The following MARCHF1 variants were observed in gnomAD, a reference collection of about 807,000 sequenced individuals.
MARCHF1 encodes the protein membrane associated ring-CH-type finger 1.
In MARCHF1, 40 loss-of-function variants were observed where a neutral mutation model predicts 54.2. The observed-to-expected ratio is 0.74, with a 90% CI of 0.57 to 0.96. The LOEUF is 0.96. MARCHF1 is among the 40% of genes least tolerant of loss of function. MARCHF1 has a pLI of 0.00. For missense variants in MARCHF1, 586 were observed against 656.5 expected (o/e 0.89, Z 1.17); for synonymous variants, 236 against 236.3 (o/e 1.00, Z 0.01).
chr4:164,087,133 C>G (rs984091660), intron 2 of MARCHF1, among the ~76,000 whole-genome samples: 1 of 152,018 alleles, frequency 6.6e-6, no homozygotes, highest in Non-Finnish European at 1.5e-5. Flanking sequence ...ATTCAACCTA[C>G]TGAATTTTGA....
chr4:163,542,167 A>G (rs1194452641), intron 9 of MARCHF1, among the ~76,000 whole-genome samples: 1 of 152,202 alleles, frequency 6.6e-6, no homozygotes, highest in Non-Finnish European at 1.5e-5. Flanking sequence ...AGTCCACTGG[A>G]GGTTACTGTC....
chr4:163,636,018 G>A (rs1446532555), intron 5 of MARCHF1, among the ~76,000 whole-genome samples: 1 of 152,118 alleles, frequency 6.6e-6, no homozygotes, highest in Non-Finnish European at 1.5e-5. Flanking sequence ...AATAGATGCA[G>A]AAAAGGCCTT....
At chr4:163,550,668 C>T (rs138986528) in intron 8 of MARCHF1, among the ~76,000 whole-genome samples, 43 of 152,222 alleles carry the variant, frequency 2.8e-4, no homozygotes, top group African/African-American at 6.3e-4. Context: ...AAAATAATAC[C>T]TGAAACAGCA....
At chr4:164,009,839 C>T (rs1753379435) in intron 2 of MARCHF1, among the ~76,000 whole-genome samples, 2 of 151,978 alleles carry the variant, frequency 1.3e-5, no homozygotes, top group African/African-American at 4.8e-5. Flanking sequence ...TACCATCATA[C>T]TGAATGGAGA....
At chr4:163,632,590 G>T (rs1181316938) in intron 5 of MARCHF1, among the ~76,000 whole-genome samples, 1 of 152,164 alleles carries the variant, frequency 6.6e-6, no homozygotes, top group Non-Finnish European at 1.5e-5. Context: ...TGGCTTGGAG[G>T]GTCCTATGCC....
intron 4 of MARCHF1, among the ~76,000 whole-genome samples, chr4:163,702,669 T>G (rs1336875048): frequency 6.6e-6 from 1 of 152,174 alleles, no homozygotes; most frequent in African/African-American, 2.4e-5. Flanking sequence ...ACAGTTATAA[T>G]AAGAATATTA....
chr4:164,121,075 CT>C (rs1756056238), intron 1 of MARCHF1, among the ~76,000 whole-genome samples: 1 of 151,620 alleles, frequency 6.6e-6, no homozygotes, highest in Non-Finnish European at 1.5e-5. Flanking sequence ...ATTTACAAAC[CT>C]TTAGCCAGTT....
At chr4:163,734,950 C>A (rs191949400) in intron 4 of MARCHF1, among the ~76,000 whole-genome samples, 48 of 152,248 alleles carry the variant, frequency 3.2e-4, no homozygotes, top group African/African-American at 1.1e-3. Context: ...ACTATGAGTT[C>A]AAAGGTTCTA....
intron 1 of MARCHF1, among the ~76,000 whole-genome samples, chr4:164,382,249 G>A (rs1176429778): frequency 6.6e-6 from 1 of 151,976 alleles, no homozygotes; most frequent in Non-Finnish European, 1.5e-5. Context: ...TATCAAAAGA[G>A]CAATCACTAA....
intron 3 of MARCHF1, among the ~76,000 whole-genome samples, chr4:163,920,153 G>A (rs1412765177): frequency 6.6e-6 from 1 of 152,128 alleles, no homozygotes; most frequent in Non-Finnish European, 1.5e-5. Context: ...AGCACTTAGT[G>A]GCTTCCTGGC....
intron 7 of MARCHF1, among the ~76,000 whole-genome samples, chr4:163,586,521 GACTTTT>G (rs761232491): frequency 3.0e-4 from 45 of 152,130 alleles, no homozygotes; most frequent in Non-Finnish European, 5.7e-4. Context: ...TATATTAATT[GACTTTT>G]ACTTTTATGG....
intron 4 of MARCHF1, among the ~76,000 whole-genome samples, chr4:163,810,092 C>T (rs999526331): frequency 6.6e-6 from 1 of 151,236 alleles, no homozygotes; most frequent in South Asian, 2.1e-4. Context: ...GCAAGGTGCC[C>T]GACAATAAAC....
intron 3 of MARCHF1, among the ~76,000 whole-genome samples, chr4:163,960,369 A>G (rs1406172680): frequency 1.6e-4 from 24 of 152,060 alleles, no homozygotes; most frequent in Admixed American, 1.6e-3. Context: ...TGTTCATTGC[A>G]GCAATATACA....
rs1738160577 is a variant in MARCHF1, at chr4:163,527,539, T to A, written c.*1209A>T. On this transcript the variant is annotated 3_prime_UTR_variant, in exon 10 of 10. Coordinates refer to ENST00000514618, the MANE Select transcript of MARCHF1 (RefSeq NM_001394959.1). ...GCAGATTGATTGTTTTATCTTTCTA[T>A]ACTTTTGGATTTTTACCCTTTAGAG... The A allele has an allele frequency of 6.6e-6, 1 of 152,114 alleles. No homozygotes were observed. The highest frequency in any genetic ancestry group is 1.5e-5 in the Non-Finnish European group (1 of 67,978). The allele number at this position is 152,114 out of a possible 1,614,324, so 9.4% of individuals were successfully genotyped here. A position where few individuals can be genotyped will look rare whatever the true frequency, so the allele number is the denominator to read the frequency against.
At chr4:163,915,921 A>C (rs62350593) in intron 3 of MARCHF1, among the ~76,000 whole-genome samples, 10,765 of 152,192 alleles carry the variant, frequency 0.071, 505 homozygotes, top group Non-Finnish European at 0.1. Context: ...CTTGATACAA[A>C]AACCTTCCCA....
intron 4 of MARCHF1, among the ~76,000 whole-genome samples, chr4:163,840,824 A>T (rs1200141429): frequency 6.6e-6 from 1 of 152,124 alleles, no homozygotes; most frequent in Non-Finnish European, 1.5e-5. Flanking sequence ...TAAGTAATGA[A>T]TATGTTAATT....
Position 164,206,179 on chromosome 4 carries a change from G to T in MARCHF1, c.-322-94517C>A, listed in dbSNP as rs564512652. ...TGGCCAGGCGCGGTGGCTCATGCTT[G>T]CAATCCCAGCACTTTGGGAGGCTCA... On this transcript the variant is annotated intron_variant, in intron 1 of 9. Transcript: ENST00000514618. Among the ~76,000 whole-genome samples the T allele has an allele frequency of 2.0e-5, 3 of 152,290 alleles. No individual in the cohort carries two copies. The South Asian group carries it at 6.2e-4, about 32-fold the overall frequency.
chr4:164,300,826 A>G (rs1335217529), intron 1 of MARCHF1, among the ~76,000 whole-genome samples: 1 of 152,194 alleles, frequency 6.6e-6, no homozygotes, highest in African/African-American at 2.4e-5. Context: ...GAAGGCAACA[A>G]GTACGTCAAT....
At chr4:164,032,217 C>T (rs115071281) in intron 2 of MARCHF1, among the ~76,000 whole-genome samples, 4,133 of 151,230 alleles carry the variant, frequency 0.027, 180 homozygotes, top group African/African-American at 0.09. Flanking sequence ...TTTGATTCTT[C>T]GCTCTTTTCT....
Sources: allele counts gnomAD v4.1 joint callset (sites outside exome capture counted in the v4.1 genomes callset), GRCh38; gene constraint gnomAD v4.1.1; transcripts MANE v1.5; gene names NCBI Gene and HGNC (gene_info 2026-07-23, HGNC 2026-07-21).